Variants in CMSS1 observed in about 807,000 individuals in gnomAD.
CMSS1 encodes cms1 ribosomal small subunit homolog, also known as protein CMSS1.
In CMSS1, 33 loss-of-function variants were observed where a neutral mutation model predicts 43.5. The observed-to-expected ratio is 0.76, with a 90% confidence interval of 0.57 to 1.01. The LOEUF is 1.01. Ranked by LOEUF, CMSS1 falls within the 50% of genes least tolerant of loss-of-function variation. CMSS1 has a pLI of 0.00. For synonymous variants in CMSS1, 115 were observed against 117.2 expected (o/e 0.98, Z 0.12); for missense variants, 313 against 326.4 (o/e 0.96, Z 0.32).
At chr3:99,928,917 A>G (rs1707382529) in intron 1 of CMSS1, among the ~76,000 whole-genome samples, 1 of 152,206 alleles carries the variant, frequency 6.6e-6, no homozygotes, top group African/African-American at 2.4e-5. Context: ...GCAGATACAT[A>G]TGACCAAACT....
At chr3:99,838,029 A>G (rs374188475) in intron 1 of CMSS1, among the ~76,000 whole-genome samples, 56 of 152,236 alleles carry the variant, frequency 3.7e-4, no homozygotes, top group African/African-American at 1.3e-3. Context: ...CTATCCCATC[A>G]TCTCTGAGGC....
chr3:99,918,260 G>A (rs1051549739), intron 1 of CMSS1, among the ~76,000 whole-genome samples: 2 of 152,220 alleles, frequency 1.3e-5, no homozygotes, highest in Admixed American at 6.5e-5. Flanking sequence ...ACAGGTGTGA[G>A]CCACCACGCC....
At chr3:100,155,367 G>T (rs74350488) in intron 2 of CMSS1, among the ~76,000 whole-genome samples, 2,216 of 152,052 alleles carry the variant, frequency 0.015, 31 homozygotes, top group Middle Eastern at 0.02. Context: ...TTCTTTATTT[G>T]CCTGGCTTAC....
At chr3:99,848,518 C>T (rs2107521688) in intron 1 of CMSS1, 1 of 1,614,192 alleles carries the variant, frequency 6.2e-7, no homozygotes, top group East Asian at 2.2e-5. Flanking sequence ...AGTTATCACA[C>T]TTGAGCTATT....
At chr3:99,881,188 T>C (rs1407716167) in intron 1 of CMSS1, among the ~76,000 whole-genome samples, 1 of 152,206 alleles carries the variant, frequency 6.6e-6, no homozygotes, top group Non-Finnish European at 1.5e-5. Flanking sequence ...TACTAGTAGG[T>C]AAGTAGAATG....
intron 1 of CMSS1, among the ~76,000 whole-genome samples, chr3:100,113,813 G>A (rs1287465650): frequency 6.6e-6 from 1 of 152,108 alleles, no homozygotes; most frequent in Non-Finnish European, 1.5e-5. Flanking sequence ...TTTCTTTCAT[G>A]TGTATCACTA....
intron 1 of CMSS1, among the ~76,000 whole-genome samples, chr3:100,000,371 C>T (rs1388449184): frequency 6.6e-6 from 1 of 152,144 alleles, no homozygotes; most frequent in Non-Finnish European, 1.5e-5. Context: ...TCCATCCCTC[C>T]TACTAAATGA....
chr3:100,139,664 G>A (rs1363765432), intron 1 of CMSS1, among the ~76,000 whole-genome samples: 1 of 150,808 alleles, frequency 6.6e-6, no homozygotes, highest in African/African-American at 2.4e-5. Context: ...GGGCATGGTG[G>A]TGGGCACCTG....
chr3:99,989,666 A>C lies in CMSS1; in HGVS notation c.65-157307A>C, dbSNP rs200873347. On this transcript the variant is annotated intron_variant, in intron 1 of 9. Transcript: ENST00000421999. ...AATACTCAATTTAGTATCTTCCTCTATATATATATATATATATATTTTTTT... is the reference window on the plus strand; with the variant it reads ...AATACTCAATTTAGTATCTTCCTCTCTATATATATATATATATATTTTTTT... Among the ~76,000 whole-genome samples the C allele has an allele frequency of 6.8e-3, 253 of 37,002 alleles. 2 individuals carry two copies. In the East Asian group the frequency reaches 0.083, roughly 12 times the overall value. 24.3% of individuals were successfully genotyped at this position (37,002 alleles called of 152,430 possible). A position where few individuals can be genotyped will look rare whatever the true frequency, so the allele number is the denominator to read the frequency against.
Position 99,860,125 on chromosome 3 carries a change from G to A in CMSS1, c.64+42082G>A, listed in dbSNP as rs141743129. Among the ~76,000 whole-genome samples the A allele has an allele frequency of 4.3e-3, 660 of 152,274 alleles. 7 individuals are homozygous for A. The highest frequency in any genetic ancestry group is 0.016 in the African/African-American group (646 of 41,538). ...CTGTCATCATCACTGAGATCCTTTA[G>A]AGATACCATAAATGGGTCCAGACCC... On this transcript the variant is annotated intron_variant, in intron 1 of 9. Transcript: ENST00000421999.
chr3:100,092,474 C>A lies in CMSS1; in HGVS notation c.65-54499C>A, dbSNP rs562285169. Among the ~76,000 whole-genome samples, 19 of 151,892 alleles carry A rather than the reference C, an allele frequency of 1.3e-4. No individual in the cohort carries two copies. The South Asian group carries it at 3.3e-3, about 27-fold the overall frequency. On this transcript the variant is annotated intron_variant, in intron 1 of 9. Coordinates refer to ENST00000421999, the MANE Select transcript of CMSS1 (RefSeq NM_032359.4). ...ATATGAATGTAGTTGGATTCTCAGG[C>A]AGCTGAAAAATAAAGTACAAATGGA...
At chr3:99,840,528 T>C (rs1389074982) in intron 1 of CMSS1, among the ~76,000 whole-genome samples, 1 of 152,144 alleles carries the variant, frequency 6.6e-6, no homozygotes, top group Non-Finnish European at 1.5e-5. Context: ...AGCCAATTCA[T>C]AGAATCTTAG....
intron 1 of CMSS1, among the ~76,000 whole-genome samples, chr3:99,917,757 A>G (rs1342245667): frequency 6.6e-6 from 1 of 152,222 alleles, no homozygotes; most frequent in African/African-American, 2.4e-5. Context: ...GTATACCGAA[A>G]TCTAGATGTC....
At chr3:100,176,829 A>G (rs2067151668) in intron 9 of CMSS1, among the ~76,000 whole-genome samples, 1 of 152,202 alleles carries the variant, frequency 6.6e-6, no homozygotes, top group Non-Finnish European at 1.5e-5. Flanking sequence ...CTCCACATGG[A>G]TTCCCAAGAA....
At chr3:100,048,243 A>G (rs2065309690) in intron 1 of CMSS1, among the ~76,000 whole-genome samples, 2 of 152,242 alleles carry the variant, frequency 1.3e-5, no homozygotes, top group South Asian at 4.1e-4. Flanking sequence ...TTTACTAGGA[A>G]AACTAGCAAT....
At chr3:99,968,276 G>A (rs1208226406) in intron 1 of CMSS1, among the ~76,000 whole-genome samples, 4 of 152,060 alleles carry the variant, frequency 2.6e-5, no homozygotes, top group Non-Finnish European at 5.9e-5. Context: ...ACAAAAAAAT[G>A]GCAAACTACA....
intron 1 of CMSS1, among the ~76,000 whole-genome samples, chr3:100,038,484 A>C (rs1187206507): frequency 6.6e-6 from 1 of 152,204 alleles, no homozygotes; most frequent in Non-Finnish European, 1.5e-5. Context: ...AATACTACTC[A>C]GTCAGTTGTA....
intron 1 of CMSS1, among the ~76,000 whole-genome samples, chr3:99,893,754 A>C (rs1706165363): frequency 6.6e-6 from 1 of 152,234 alleles, no homozygotes; most frequent in South Asian, 2.1e-4. Context: ...GAGCAGAAAT[A>C]GTTTCATGCT....
chr3:99,871,318 TG>T (rs1944775720), intron 1 of CMSS1, among the ~76,000 whole-genome samples: 1 of 152,170 alleles, frequency 6.6e-6, no homozygotes, highest in Non-Finnish European at 1.5e-5. Flanking sequence ...ACTTTTTTTT[TG>T]TATCAAATAA....
Sources: gnomAD v4.1 joint callset for allele counts (sites outside exome capture counted in the v4.1 genomes callset) on GRCh38, gnomAD v4.1.1 for gene constraint, MANE v1.5 for transcripts, NCBI Gene and HGNC (gene_info 2026-07-23, HGNC 2026-07-21) for gene names.